COL28A1: variants seen among roughly 807,000 people sequenced by gnomAD.
COL28A1 encodes the protein collagen type XXVIII alpha 1 chain.
Under a neutral mutation model 150.2 loss-of-function variants are expected in COL28A1, and 161 were observed. That is an observed-to-expected ratio of 1.07 (90% CI 0.94 to 1.22). COL28A1 has a LOEUF of 1.22. COL28A1 is among the 50% of genes most tolerant of loss of function. The probability of loss-of-function intolerance (pLI) is 0.00; values close to 1 mark genes in which losing one functional copy is unlikely to be tolerated. For missense variants in COL28A1, 1,617 were observed against 1,388.3 expected, an observed-to-expected ratio of 1.16 and a Z score of -2.62; for synonymous variants, 552 against 469.7, an observed-to-expected ratio of 1.18 and a Z score of -2.26.
intron 11 of COL28A1, among the ~76,000 whole-genome samples, chr7:7,495,054 G>A (rs1167270271): frequency 3.3e-5 from 5 of 152,086 alleles, no homozygotes; most frequent in African/African-American, 1.2e-4. Context: ...GAGCAGCATG[G>A]TCCAATGCAA....
At chr7:7,385,977 G>T (rs1782159601) in intron 27 of COL28A1, among the ~76,000 whole-genome samples, 1 of 152,184 alleles carries the variant, frequency 6.6e-6, no homozygotes, top group East Asian at 1.9e-4. Context: ...CAATGTATAA[G>T]TCTCAGGAAA....
At chr7:7,433,296 G>C (rs1187015555) in intron 23 of COL28A1, among the ~76,000 whole-genome samples, 1 of 152,008 alleles carries the variant, frequency 6.6e-6, no homozygotes, top group African/African-American at 2.4e-5. Flanking sequence ...TCTGACTCAA[G>C]TAAAACGGGG....
chr7:7,489,560 G>A (rs1462723415), intron 12 of COL28A1, 103 bp from the exon 13 acceptor site: 4 of 728,694 alleles, frequency 5.5e-6, no homozygotes, highest in Non-Finnish European at 9.5e-6. Context: ...TAGCGAAATA[G>A]ACAAAATGTT....
intron 25 of COL28A1, among the ~76,000 whole-genome samples, chr7:7,429,178 A>T (rs896552407): frequency 6.6e-6 from 1 of 152,194 alleles, no homozygotes; most frequent in Non-Finnish European, 1.5e-5. Flanking sequence ...AGCTTAAATG[A>T]AAAACATATC....
At chr7:7,513,546 A>G (rs1205571502) in intron 8 of COL28A1, among the ~76,000 whole-genome samples, 4 of 152,218 alleles carry the variant, frequency 2.6e-5, no homozygotes, top group Admixed American at 2.6e-4. Context: ...CTGACCCAGG[A>G]AAAACTGAGC....
At chr7:7,402,616 A>G (rs1328139482) in intron 27 of COL28A1, among the ~76,000 whole-genome samples, 4 of 152,218 alleles carry the variant, frequency 2.6e-5, no homozygotes, top group Non-Finnish European at 4.4e-5. Context: ...AATAAATATC[A>G]AGGCAAAACA....
At chr7:7,420,638 T>A (rs1166161239) in intron 25 of COL28A1, among the ~76,000 whole-genome samples, 1 of 152,230 alleles carries the variant, frequency 6.6e-6, no homozygotes, top group South Asian at 2.1e-4. Flanking sequence ...TGCATTATAA[T>A]GATGTCTAGT....
chr7:7,341,152 T>C, the COL28A1 span, among the ~76,000 whole-genome samples: 1 of 152,146 alleles, frequency 6.6e-6, no homozygotes, highest in Non-Finnish European at 1.5e-5. Flanking sequence ...TCAACAGAAA[T>C]TATACGACTC....
chr7:7,372,393 G>A (rs530484409), intron 32 of COL28A1, among the ~76,000 whole-genome samples: 163 of 117,666 alleles, frequency 1.4e-3, no homozygotes, highest in African/African-American at 4.8e-3. Context: ...GTGAGACTCC[G>A]TCTCAAAATA....
In COL28A1 at chr7:7,436,381, T is replaced by C. The variant is rs1411200087; in HGVS notation, c.1860+14A>G. 8 of 1,191,152 alleles carry C rather than the reference T, an allele frequency of 6.7e-6. No homozygotes were observed. The highest frequency in any genetic ancestry group is 6.0e-5 in the African/African-American group (4 of 66,978). The allele number at this position is 1,191,152 out of a possible 1,614,324, so 73.8% of individuals were successfully genotyped here. On this transcript the variant is annotated intron_variant, in intron 23 of 34. Transcript: ENST00000399429. ...CAGATACAGAAAAACAAAAAGAACATGAATAAAGCATACCTTTGGTCCTCG... is the reference window on the plus strand; with the variant it reads ...CAGATACAGAAAAACAAAAAGAACACGAATAAAGCATACCTTTGGTCCTCG...
At chr7:7,525,656 C>G (rs1003759922) in intron 3 of COL28A1, among the ~76,000 whole-genome samples, 2 of 152,160 alleles carry the variant, frequency 1.3e-5, no homozygotes, top group Non-Finnish European at 2.9e-5. Flanking sequence ...TGCTGCATCC[C>G]TTTAGTTTTA....
chr7:7,364,401 T>C (rs6978411), intron 33 of COL28A1, among the ~76,000 whole-genome samples: 79 of 152,330 alleles, frequency 5.2e-4, no homozygotes, highest in Admixed American at 1.6e-3. Context: ...AGCCCAGAGA[T>C]ACACCAGAGG....
chr7:7,417,765 T>C (rs1355971129), intron 27 of COL28A1, 94 bp downstream of exon 27: 1 of 1,020,388 alleles, frequency 9.8e-7, no homozygotes, highest in Non-Finnish European at 1.5e-6. Context: ...AATAAATCTA[T>C]TTCATAATAG....
chr7:7,370,652 A>G, intron 33 of COL28A1, 73 bp downstream of exon 33: 1 of 1,286,576 alleles, frequency 7.8e-7, no homozygotes, highest in South Asian at 1.4e-5. Flanking sequence ...AATGCAGGGC[A>G]GAATGATCTT....
At chr7:7,378,946 T>A (rs1291833054) in intron 30 of COL28A1, among the ~76,000 whole-genome samples, 1 of 152,178 alleles carries the variant, frequency 6.6e-6, no homozygotes, top group African/African-American at 2.4e-5. Context: ...ATTTCCAAGC[T>A]CTGTCCAAAT....
intron 3 of COL28A1, among the ~76,000 whole-genome samples, chr7:7,525,624 G>A (rs1257932826): frequency 1.3e-5 from 2 of 152,172 alleles, no homozygotes; most frequent in African/African-American, 4.8e-5. Flanking sequence ...AGTTAAATAA[G>A]AGTATGTAGC....
chr7:7,376,067 A>C (rs1781524419), intron 30 of COL28A1, among the ~76,000 whole-genome samples: 1 of 152,106 alleles, frequency 6.6e-6, no homozygotes, highest in South Asian at 2.1e-4. Flanking sequence ...CATGTTCCTG[A>C]ACGCCCTTTT....
chr7:7,440,727 C>T (rs1785704825), intron 21 of COL28A1, 63 bp downstream of exon 21: 1 of 662,022 alleles, frequency 1.5e-6, no homozygotes, highest in African/African-American at 1.9e-5. Context: ...AAATTTAATA[C>T]TATATTAAAA....
At chr7:7,341,359 G>A in the COL28A1 span, among the ~76,000 whole-genome samples, 1 of 151,676 alleles carries the variant, frequency 6.6e-6, no homozygotes, top group Non-Finnish European at 1.5e-5. Context: ...AATTATTTTT[G>A]CTGATGCTTT....
Sources: gnomAD v4.1 joint callset for allele counts (sites outside exome capture counted in the v4.1 genomes callset) on GRCh38, gnomAD v4.1.1 for gene constraint, MANE v1.5 for transcripts, NCBI Gene and HGNC (gene_info 2026-07-23, HGNC 2026-07-21) for gene names.